The following PAFAH1B1 variants were observed in gnomAD, a reference collection of about 807,000 sequenced individuals.
PAFAH1B1 encodes platelet activating factor acetylhydrolase 1b regulatory subunit 1.
A neutral mutation model predicts 57.5 loss-of-function variants in PAFAH1B1; 2 were observed. That is an observed-to-expected ratio of 0.03 (90% confidence interval 0.01 to 0.11). The LOEUF is 0.11. PAFAH1B1 is among the 10% of genes least tolerant of loss of function. The probability of loss-of-function intolerance (pLI) is 1.00; values close to 1 mark genes in which losing one functional copy is unlikely to be tolerated. For synonymous variants in PAFAH1B1, 152 were observed against 169.6 expected (o/e 0.90, Z 0.81); for missense variants, 257 against 512.0 (o/e 0.50, Z 4.81).
chr17:2,613,755 C>G, intron 1 of PAFAH1B1: 2 of 302,274 alleles, frequency 6.6e-6, no homozygotes, highest in Admixed American at 4.8e-5. Context: ...ACAGAGAGTC[C>G]CCCTGTGGCG....
rs571759053 is a variant in PAFAH1B1, at chr17:2,651,174, C to T, written c.32+12854C>T. Reference sequence around the variant, plus strand: ...CGAAACATTTATTGAATAGCCCTTTCCTTATTGATCTGAAAACACCTTCTT... The same window carrying T: ...CGAAACATTTATTGAATAGCCCTTTTCTTATTGATCTGAAAACACCTTCTT... On this transcript the variant is annotated intron_variant, in intron 2 of 10. Coordinates refer to ENST00000397195, the MANE Select transcript of PAFAH1B1 (RefSeq NM_000430.4). Among the ~76,000 whole-genome samples, 3 of 152,196 alleles carry T rather than the reference C, an allele frequency of 2.0e-5. No individual in the cohort carries two copies. In the East Asian group the frequency reaches 5.8e-4, roughly 29 times the overall value.
intron 1 of PAFAH1B1, among the ~76,000 whole-genome samples, chr17:2,624,848 T>C (rs1335938330): frequency 3.3e-5 from 5 of 152,192 alleles, no homozygotes; most frequent in African/African-American, 1.2e-4. Context: ...CGGCCTCTGC[T>C]GACCTTTTAA....
intron 1 of PAFAH1B1, among the ~76,000 whole-genome samples, chr17:2,616,203 G>A (rs1268691578): frequency 1.3e-5 from 2 of 152,152 alleles, no homozygotes; most frequent in Non-Finnish European, 2.9e-5. Flanking sequence ...AGTATGAAGA[G>A]TGAAGAATAT....
chr17:2,666,965 G>A (rs2069114263), intron 4 of PAFAH1B1, 27 bp from the exon 5 acceptor site: 1 of 1,528,408 alleles, frequency 6.5e-7, no homozygotes, highest in South Asian at 1.1e-5. Context: ...AAATCTATCT[G>A]TACGTAACTA....
At position 2,676,594 on chromosome 17, in the gene PAFAH1B1, C is replaced by T. The variant is rs748791413; in HGVS notation, c.990C>T (p.Cys330=). 1 of 1,596,978 alleles carries T rather than the reference C, an allele frequency of 6.3e-7. No individual in the cohort carries two copies. ...IKMWDVSTGM[C]LMTLVGHDNW... ...TGTGGGATGTCAGTACTGGCATGTG[C>T]CTTATGACCCTCGTAAGTTTGCATA... The change falls in exon 9 of 11, where the codon TGC becomes TGT. Residue 330 remains cysteine (C), a synonymous_variant. Transcript: ENST00000397195.
At chr17:2,660,756 G>C (rs781114731) in intron 2 of PAFAH1B1, among the ~76,000 whole-genome samples, 1 of 152,066 alleles carries the variant, frequency 6.6e-6, no homozygotes, top group Non-Finnish European at 1.5e-5. Context: ...TATTCCTTTG[G>C]GTATATACCC....
At chr17:2,654,418 G>A (rs754555260) in intron 2 of PAFAH1B1, among the ~76,000 whole-genome samples, 2 of 150,432 alleles carry the variant, frequency 1.3e-5, no homozygotes, top group Admixed American at 6.6e-5. Flanking sequence ...TCAGGTGATC[G>A]CCCGCCTCAG....
chr17:2,658,374 A>G (rs1375274627), intron 2 of PAFAH1B1, among the ~76,000 whole-genome samples: 1 of 152,240 alleles, frequency 6.6e-6, no homozygotes, highest in African/African-American at 2.4e-5. Context: ...CTGTTTAGTG[A>G]CTGCCCTCTG....
At position 2,674,179 on chromosome 17, in the gene PAFAH1B1, C is replaced by G. The variant is rs138020781; in HGVS notation, c.791C>G (p.Ala264Gly). Reference protein sequence around the residue: ...NDQTVRVWVVATKECKAELRE... With the variant: ...NDQTVRVWVVGTKECKAELRE... ...CAGACTGTGCGTGTATGGGTCGTAG[C>G]AACAAAGGAATGCAAGGCTGAGCTC... Residue 264 changes from alanine (A) to glycine (G), a missense_variant, in exon 8 of 11, where the codon GCA becomes GGA. Ala to Gly is a moderately conservative substitution (Grantham distance 60). Coordinates refer to ENST00000397195, the MANE Select transcript of PAFAH1B1 (RefSeq NM_000430.4). The G allele has an allele frequency of 1.2e-6, 2 of 1,614,004 alleles. No individual in the cohort carries two copies. Among genetic ancestry groups the G allele is most frequent in the Non-Finnish European group, 1.7e-6 (2 of 1,179,922 alleles).
rs199947550 is a variant in PAFAH1B1, at chr17:2,681,712, A to G, written c.1160-17A>G. ...CTTACGTGTGAGTTTTAAATAAACCATTTCTTTTTCTTTCAGATTTCCACA... is the reference window on the plus strand; with the variant it reads ...CTTACGTGTGAGTTTTAAATAAACCGTTTCTTTTTCTTTCAGATTTCCACA... On this transcript the variant is annotated splice_polypyrimidine_tract_variant and intron_variant, in intron 10 of 10. Transcript: ENST00000397195. 6 of 1,604,246 alleles carry G rather than the reference A, an allele frequency of 3.7e-6. No homozygotes were observed. In the Admixed American group the frequency reaches 6.7e-5, roughly 18 times the overall value.
intron 2 of PAFAH1B1, among the ~76,000 whole-genome samples, chr17:2,659,056 C>G (rs780257206): frequency 1.3e-5 from 2 of 151,724 alleles, no homozygotes; most frequent in African/African-American, 2.4e-5. Context: ...TTCAAGACCA[C>G]CCTGGCCAAC....
rs545417841 is a variant in PAFAH1B1, at chr17:2,595,303, TG to T, written c.-191+1304del. ...CCATTTTTGGCAATTCTGTTTTTGTTGGGGGGGTGGGTTATTTTGTGTGAAT... is the reference window on the plus strand; with the variant it reads ...CCATTTTTGGCAATTCTGTTTTTGTTGGGGGGTGGGTTATTTTGTGTGAAT... On this transcript the variant is annotated intron_variant, in intron 1 of 10. Transcript: ENST00000397195. Among the ~76,000 whole-genome samples, 1,383 of 151,930 alleles carry T rather than the reference TG, an allele frequency of 9.1e-3. 16 individuals carry two copies. The highest frequency in any genetic ancestry group is 0.031 in the African/African-American group (1,287 of 41,444).
At chr17:2,680,933 T>C (rs1233646081) in intron 10 of PAFAH1B1, 1 of 166,092 alleles carries the variant, frequency 6.0e-6, no homozygotes, top group African/African-American at 2.4e-5. Flanking sequence ...CGAGACTGTG[T>C]ATTGTTAGAT....
intron 4 of PAFAH1B1, among the ~76,000 whole-genome samples, chr17:2,666,464 A>G (rs1240946662): frequency 1.3e-5 from 2 of 152,266 alleles, no homozygotes; most frequent in African/African-American, 2.4e-5. Flanking sequence ...ATCTGTAAAT[A>G]CAACAAATAA....
rs1254998159 is a variant in PAFAH1B1 at position 2,638,294 on chromosome 17, G to A, written c.6G>A (p.Val2=). The change falls in exon 2 of 11, where the codon GTG becomes GTA. Residue 2 remains valine, a synonymous_variant. Coordinates refer to ENST00000397195, the MANE Select transcript of PAFAH1B1 (RefSeq NM_000430.4). M[V]LSQRQRDELN... is the part of the protein sequence containing the mutation. The stretch of plus-strand genomic sequence containing the variant: ...AGCTTGACATTACAGCCAAGATGGT[G>A]CTGTCCCAGAGACAACGAGATGAAC... 6.2e-7 allele frequency: 1 copy of A among 1,612,640 alleles called. No homozygotes were observed.
intron 2 of PAFAH1B1, among the ~76,000 whole-genome samples, chr17:2,665,126 C>G (rs1262101728): frequency 6.6e-6 from 1 of 151,798 alleles, no homozygotes; most frequent in Non-Finnish European, 1.5e-5. Context: ...AGTTTCTCTT[C>G]TGATGTTAAA....
intron 1 of PAFAH1B1, among the ~76,000 whole-genome samples, chr17:2,597,132 A>G (rs996962000): frequency 2.6e-5 from 4 of 152,168 alleles, no homozygotes; most frequent in Non-Finnish European, 4.4e-5. Flanking sequence ...GGAGCTTAAG[A>G]TAATTTGACT....
intron 1 of PAFAH1B1, among the ~76,000 whole-genome samples, chr17:2,637,652 C>T (rs569733580): frequency 6.6e-6 from 1 of 152,302 alleles, no homozygotes; most frequent in Admixed American, 6.5e-5. Context: ...TTATTGGTGA[C>T]TAACACTCAA....
intron 2 of PAFAH1B1, among the ~76,000 whole-genome samples, chr17:2,659,245 CAA>C (rs140753546): frequency 7.2e-6 from 1 of 139,342 alleles, no homozygotes. Flanking sequence ...GACTCCGTTT[CAA>C]AAAAAAAAAG....
Sources: allele counts gnomAD v4.1 joint callset (sites outside exome capture counted in the v4.1 genomes callset), GRCh38; gene constraint gnomAD v4.1.1; transcripts MANE v1.5; gene names NCBI Gene and HGNC (gene_info 2026-07-23, HGNC 2026-07-21).